Variants in COPA observed in about 807,000 individuals in gnomAD.
COPA encodes the protein coatomer subunit alpha.
Under a neutral mutation model 158.7 loss-of-function variants are expected in COPA, and 10 were observed. The observed-to-expected ratio is 0.06, with a 90% CI of 0.04 to 0.11. The LOEUF is 0.11. Ranked by LOEUF, COPA falls within the 10% of genes least tolerant of loss-of-function variation. The probability of loss-of-function intolerance (pLI) is 1.00; values close to 1 mark genes in which losing one functional copy is unlikely to be tolerated. For synonymous variants in COPA, 462 were observed against 542.8 expected (o/e 0.85, Z 2.07); for missense variants, 1,065 against 1,536.7 (o/e 0.69, Z 5.13).
intron 9 of COPA, 52 bp downstream of exon 9, chr1:160,313,937 AT>A (rs1659054555): frequency 2.7e-6 from 4 of 1,498,166 alleles, no homozygotes; most frequent in Non-Finnish European, 3.6e-6. Context: ...TTCCAATCTA[AT>A]TTTAAAAGAG....
intron 10 of COPA, 143 bp from the exon 11 acceptor site, chr1:160,312,161 C>T (rs964707571): frequency 2.7e-6 from 2 of 751,592 alleles, no homozygotes; most frequent in African/African-American, 3.5e-5. Flanking sequence ...TCTCACAATT[C>T]TTGGAATCTT....
At chr1:160,331,800 T>C (rs932940916) in intron 6 of COPA, among the ~76,000 whole-genome samples, 2 of 151,910 alleles carry the variant, frequency 1.3e-5, no homozygotes, top group Non-Finnish European at 2.9e-5. Flanking sequence ...ATACAAAAAT[T>C]AGCCAGGTGT....
Position 160,291,905 on chromosome 1 carries a change from G to A in COPA, c.3172C>T (p.Arg1058Cys), listed in dbSNP as rs772182530. 28 of 1,613,936 alleles carry A rather than the reference G, an allele frequency of 1.7e-5. No individual in the cohort carries two copies. The highest frequency in any genetic ancestry group is 2.1e-5 in the Non-Finnish European group (25 of 1,180,024). ...ACGGACAAACCCACAATGTACTCAC[G>A]GCAAATGGTGATGAGCTGCTGGGCC... ...AEAQQLITICREYIVGLSVET... is the reference protein window; with the variant it reads ...AEAQQLITICCEYIVGLSVET... Residue 1058 changes from arginine to cysteine, a missense_variant, in exon 30 of 33, where the codon CGT (arginine) becomes TGT (cysteine). Arg to Cys is a radical substitution (Grantham distance 180). This residue lies in a region of COPA where 980 missense variants were observed against 1,357.8 expected (regional missense o/e 0.72). Coordinates refer to ENST00000241704, the MANE Select transcript of COPA (RefSeq NM_004371.4).
At chr1:160,341,804 T>C (rs574370559) in intron 1 of COPA, among the ~76,000 whole-genome samples, 2 of 152,350 alleles carry the variant, frequency 1.3e-5, no homozygotes, top group South Asian at 4.1e-4. Flanking sequence ...TGTCTATTTT[T>C]CCATTAGGTT....
intron 8 of COPA, chr1:160,317,716 T>C: frequency 7.1e-7 from 1 of 1,415,782 alleles, no homozygotes; most frequent in Non-Finnish European, 1.0e-6. Context: ...GATATTCTTT[T>C]TATTTTTTTT....
In COPA at chr1:160,288,826, T is replaced by C. The variant is rs968713017; in HGVS notation, c.*1331A>G. On this transcript the variant is annotated 3_prime_UTR_variant, in exon 33 of 33. Coordinates refer to ENST00000241704, the MANE Select transcript of COPA (RefSeq NM_004371.4). ...AATATCTAGAACAGTGACAGTCACATGGCAGGTGCTCAATAAATATTGCTA... is the reference window on the plus strand; with the variant it reads ...AATATCTAGAACAGTGACAGTCACACGGCAGGTGCTCAATAAATATTGCTA... Among the ~76,000 whole-genome samples, 2 of 152,202 alleles carry C rather than the reference T, an allele frequency of 1.3e-5. No homozygotes were observed. The highest frequency in any genetic ancestry group is 4.8e-5 in the African/African-American group (2 of 41,440).
intron 8 of COPA, among the ~76,000 whole-genome samples, chr1:160,318,478 A>AAAAAAAAAAAAAAAAAAAAAAT (rs1659222853): frequency 1.3e-5 from 1 of 75,996 alleles, no homozygotes; most frequent in Non-Finnish European, 2.3e-5. Flanking sequence ...TAAAAAAAAA[A>AAAAAAAAAAAAAAAAAAAAAAT]AAAAAAAAAA....
chr1:160,291,784 C>T (rs749139819), intron 30 of COPA, 35 bp downstream of exon 30: 9 of 1,589,116 alleles, frequency 5.7e-6, no homozygotes, highest in Non-Finnish European at 6.9e-6. Context: ...AAGGGAAGGA[C>T]GTCTCTGTTG....
At chr1:160,329,703 G>A (rs1194019894) in intron 6 of COPA, among the ~76,000 whole-genome samples, 1 of 152,158 alleles carries the variant, frequency 6.6e-6, no homozygotes, top group Non-Finnish European at 1.5e-5. Context: ...AATTCTCTAT[G>A]AACTAGAATA....
At chr1:160,316,775 G>A (rs181375193) in intron 8 of COPA, among the ~76,000 whole-genome samples, 138 of 151,840 alleles carry the variant, frequency 9.1e-4, no homozygotes, top group Non-Finnish European at 1.5e-3. Context: ...AGAATGATTG[G>A]TTTTCAAGAG....
chr1:160,330,999 C>G (rs958834777), intron 6 of COPA, among the ~76,000 whole-genome samples: 6 of 151,892 alleles, frequency 4.0e-5, no homozygotes, highest in Non-Finnish European at 8.8e-5. Context: ...CATGGTGAAA[C>G]CCTGTCTCTA....
chr1:160,292,996 A>T (rs575167746), intron 27 of COPA, among the ~76,000 whole-genome samples, 170 bp downstream of exon 27: 3 of 152,296 alleles, frequency 2.0e-5, no homozygotes, highest in African/African-American at 7.2e-5. Context: ...GGCCAAGTGG[A>T]AGGCAGATAA....
chr1:160,316,232 C>T (rs1242806672), intron 8 of COPA, among the ~76,000 whole-genome samples: 2 of 151,998 alleles, frequency 1.3e-5, no homozygotes, highest in Admixed American at 6.6e-5. Flanking sequence ...GTGGTGGATG[C>T]CTGTAATACC....
In COPA at chr1:160,314,211, A is replaced by C. The variant is rs1659066285; in HGVS notation, c.707-86T>G. 2.8e-6 allele frequency: 4 copies of C among 1,417,690 alleles called. No individual in the cohort carries two copies. The South Asian group carries it at 5.6e-5, about 20-fold the overall frequency. 87.8% of individuals were successfully genotyped at this position (1,417,690 alleles called of 1,614,324 possible). The stretch of plus-strand genomic sequence containing the variant: ...AGATATGACATCCTCTTCATCAAGA[A>C]CTAAGTACTATTACAGAATGCTAAA... On this transcript the variant is annotated intron_variant, in intron 8 of 32. Coordinates refer to ENST00000241704, the MANE Select transcript of COPA (RefSeq NM_004371.4).
intron 23 of COPA, 61 bp from the exon 24 acceptor site, chr1:160,294,918 T>G: frequency 7.0e-7 from 1 of 1,431,286 alleles, no homozygotes; most frequent in Non-Finnish European, 9.8e-7. Flanking sequence ...GATACGGCCT[T>G]TTCTGTAGGC....
rs41265799 is a variant in COPA, at chr1:160,325,672, G to A, written c.497-20C>T. ...TCAGACCTTTGAAGGGATAAGGAGT[G>A]GGATGAAAGATGTAAACATAATATT... On this transcript the variant is annotated intron_variant, in intron 6 of 32. Coordinates refer to ENST00000241704, the MANE Select transcript of COPA (RefSeq NM_004371.4). The A allele has an allele frequency of 0.031, 48,464 of 1,552,750 alleles. 849 individuals are homozygous for A. Among genetic ancestry groups the A allele is most frequent in the Non-Finnish European group, 0.035 (39,538 of 1,124,310 alleles).
rs1047043878 is a variant in COPA, at chr1:160,288,935, C to A, written c.*1222G>T. Among the ~76,000 whole-genome samples, 21 of 152,094 alleles carry A rather than the reference C, an allele frequency of 1.4e-4. No homozygotes were observed. Among genetic ancestry groups the A allele is most frequent in the Admixed American group, 2.0e-4 (3 of 15,280 alleles). ...CTATCATTTTCACAGCAGTTTAGGT[C>A]CTCATATATACCCTATGAAAAACAT... On this transcript the variant is annotated 3_prime_UTR_variant, in exon 33 of 33. Coordinates refer to ENST00000241704, the MANE Select transcript of COPA (RefSeq NM_004371.4).
intron 8 of COPA, 100 bp downstream of exon 8, chr1:160,323,331 C>T: frequency 1.3e-6 from 1 of 749,614 alleles, no homozygotes. Context: ...AATTAATCAC[C>T]TAAGGTAGAA....
chr1:160,319,716 C>T (rs1012390561), intron 8 of COPA, among the ~76,000 whole-genome samples: 1 of 151,288 alleles, frequency 6.6e-6, no homozygotes, highest in South Asian at 2.1e-4. Context: ...AAATCAATAA[C>T]AAGAGGAACC....
Sources: gnomAD v4.1 joint callset for allele counts (sites outside exome capture counted in the v4.1 genomes callset) on GRCh38, gnomAD v4.1.1 for gene constraint, gnomAD v4.1.1 regional missense constraint, MANE v1.5 for transcripts, NCBI Gene and HGNC (gene_info 2026-07-23, HGNC 2026-07-21) for gene names.